Variants in MACROD2 observed in about 807,000 individuals in gnomAD.
MACROD2 encodes the protein ADP-ribose glycohydrolase MACROD2.
MACROD2 carries 36 observed loss-of-function variants against 70.4 expected under a neutral mutation model. That is an observed-to-expected ratio of 0.51 (90% confidence interval 0.39 to 0.68). The LOEUF (loss-of-function observed/expected upper bound fraction) is 0.68. Among genes scored for constraint, MACROD2 ranks in the 30% least tolerant of loss-of-function variants. The pLI, the probability that MACROD2 is intolerant of heterozygous loss-of-function variation, is 0.00. For synonymous variants in MACROD2, 172 were observed against 178.8 expected, an observed-to-expected ratio of 0.96 and a Z score of 0.30; for missense variants, 496 against 538.4, an observed-to-expected ratio of 0.92 and a Z score of 0.78.
At chr20:14,009,588 G>A (rs1161052856) in intron 2 of MACROD2, among the ~76,000 whole-genome samples, 2 of 152,046 alleles carry the variant, frequency 1.3e-5, no homozygotes, top group Admixed American at 6.5e-5. Flanking sequence ...TAAAAATACC[G>A]TTTGACCCAG....
rs905580031 is a variant in MACROD2, at chr20:15,556,384, G to GT, written c.645+56547dup. ...CTCTTGATTTATACTAAGACATCTG[G>GT]TTTTTTTTTTCCCAAAATCTTTGCT... On this transcript the variant is annotated intron_variant, in intron 8 of 17. Coordinates refer to ENST00000684519, the MANE Select transcript of MACROD2 (RefSeq NM_001351661.2). Among the ~76,000 whole-genome samples the GT allele has an allele frequency of 3.6e-3, 537 of 148,982 alleles. 2 individuals are homozygous for GT. The highest frequency in any genetic ancestry group is 0.011 in the Middle Eastern group (3 of 282).
intron 5 of MACROD2, among the ~76,000 whole-genome samples, chr20:14,790,949 A>G (rs2072443561): frequency 6.6e-6 from 1 of 152,038 alleles, no homozygotes; most frequent in Non-Finnish European, 1.5e-5. Context: ...GAGAGACCTA[A>G]GTGCTTGAGG....
intron 8 of MACROD2, among the ~76,000 whole-genome samples, chr20:15,648,986 C>T (rs1319804659): frequency 6.6e-6 from 1 of 152,042 alleles, no homozygotes. Flanking sequence ...GTAGAACAGC[C>T]TCAGAATAGC....
chr20:15,286,326 G>A (rs2077491017), intron 6 of MACROD2, among the ~76,000 whole-genome samples: 1 of 152,162 alleles, frequency 6.6e-6, no homozygotes, highest in Non-Finnish European at 1.5e-5. Context: ...AATATGGTTT[G>A]ACCCTAAACC....
intron 5 of MACROD2, among the ~76,000 whole-genome samples, chr20:14,784,776 A>C (rs1485743434): frequency 6.6e-6 from 1 of 151,002 alleles, no homozygotes; most frequent in Non-Finnish European, 1.5e-5. Flanking sequence ...CCTTTATTAG[A>C]TGCTTTCATT....
At chr20:15,015,942 T>C (rs78434620) in intron 5 of MACROD2, among the ~76,000 whole-genome samples, 24,491 of 152,130 alleles carry the variant, frequency 0.16, 2,183 homozygotes, top group African/African-American at 0.22. Flanking sequence ...GCTCTAAGCA[T>C]AGGTTTAGAA....
chr20:14,696,653 T>G (rs1032073063), intron 5 of MACROD2, among the ~76,000 whole-genome samples: 1 of 152,156 alleles, frequency 6.6e-6, no homozygotes, highest in Non-Finnish European at 1.5e-5. Flanking sequence ...AGATTTATTC[T>G]CTCTGTGTGT....
chr20:14,304,506 G>A (rs542966862), intron 3 of MACROD2, among the ~76,000 whole-genome samples: 21 of 152,258 alleles, frequency 1.4e-4, no homozygotes, highest in African/African-American at 4.1e-4. Flanking sequence ...ACTCCCCCAC[G>A]CTCATTTTCT....
At chr20:15,305,137 C>T (rs1270279356) in intron 6 of MACROD2, among the ~76,000 whole-genome samples, 1 of 152,118 alleles carries the variant, frequency 6.6e-6, no homozygotes, top group Non-Finnish European at 1.5e-5. Context: ...CATGTGTGAC[C>T]CTGGGCTGGC....
chr20:15,689,786 C>T (rs2050276052), intron 8 of MACROD2, among the ~76,000 whole-genome samples: 1 of 152,042 alleles, frequency 6.6e-6, no homozygotes, highest in South Asian at 2.1e-4. Context: ...ACACTTTCTC[C>T]AAAAGGAGAA....
intron 8 of MACROD2, among the ~76,000 whole-genome samples, chr20:15,711,987 A>G (rs1293010663): frequency 2.0e-5 from 3 of 152,212 alleles, no homozygotes; most frequent in African/African-American, 4.8e-5. Flanking sequence ...TGCATGACTA[A>G]GAAACTGTTT....
chr20:14,766,794 A>T (rs1296677861), intron 5 of MACROD2, among the ~76,000 whole-genome samples: 1 of 152,176 alleles, frequency 6.6e-6, no homozygotes, highest in Non-Finnish European at 1.5e-5. Flanking sequence ...GTAAGGATAC[A>T]GTAATCAACG....
At chr20:14,913,469 T>C (rs564741831) in intron 5 of MACROD2, among the ~76,000 whole-genome samples, 1 of 152,264 alleles carries the variant, frequency 6.6e-6, no homozygotes, top group East Asian at 1.9e-4. Context: ...GGAGGACTTA[T>C]TGAGGCCAGG....
chr20:15,470,597 T>TTGA (rs2046952144), intron 7 of MACROD2, among the ~76,000 whole-genome samples: 1 of 152,122 alleles, frequency 6.6e-6, no homozygotes, highest in Non-Finnish European at 1.5e-5. Context: ...ATACCACCAA[T>TTGA]CCCATCTTGG....
chr20:15,373,551 T>C (rs1049493825), intron 6 of MACROD2, among the ~76,000 whole-genome samples: 2 of 152,100 alleles, frequency 1.3e-5, no homozygotes, highest in East Asian at 1.9e-4. Context: ...ACTACAGGCA[T>C]GTCACTGCAC....
chr20:15,876,582 G>GT (rs1387328836), intron 9 of MACROD2, among the ~76,000 whole-genome samples: 1 of 152,054 alleles, frequency 6.6e-6, no homozygotes, highest in Non-Finnish European at 1.5e-5. Flanking sequence ...ATATGTGTGC[G>GT]TGTGTCTTTA....
intron 8 of MACROD2, among the ~76,000 whole-genome samples, chr20:15,839,220 G>A (rs922681109): frequency 6.6e-6 from 1 of 152,110 alleles, no homozygotes; most frequent in South Asian, 2.1e-4. Context: ...AGGAAATATA[G>A]CATTACACTT....
intron 3 of MACROD2, among the ~76,000 whole-genome samples, chr20:14,176,692 A>C (rs1434356824): frequency 6.6e-6 from 1 of 152,180 alleles, no homozygotes; most frequent in Admixed American, 6.5e-5. Flanking sequence ...ATTATGTTTT[A>C]AATATCTCTT....
intron 6 of MACROD2, among the ~76,000 whole-genome samples, chr20:15,385,696 A>G (rs552840988): frequency 3.2e-4 from 48 of 152,316 alleles, no homozygotes; most frequent in South Asian, 1.4e-3. Context: ...TTAGTTTCCC[A>G]TCAGTTATTC....
Sources: allele counts gnomAD v4.1 joint callset (sites outside exome capture counted in the v4.1 genomes callset), GRCh38; gene constraint gnomAD v4.1.1; transcripts MANE v1.5; gene names NCBI Gene and HGNC (gene_info 2026-07-23, HGNC 2026-07-21).